ZNRF1: variants seen among roughly 807,000 people sequenced by gnomAD.
ZNRF1 encodes E3 ubiquitin-protein ligase ZNRF1.
Under a neutral mutation model 18.4 loss-of-function variants are expected in ZNRF1, and 3 were observed. The ratio of observed to expected loss-of-function variants is 0.16; its 90% confidence interval spans 0.07 to 0.42. The LOEUF is 0.42. Among genes scored for constraint, ZNRF1 ranks in the 10% least tolerant of loss-of-function variants. The pLI is 0.99. For synonymous variants in ZNRF1, 157 were observed against 144.2 expected (o/e 1.09, Z -0.64); for missense variants, 310 against 329.8 (o/e 0.94, Z 0.47).
intron 1 of ZNRF1, among the ~76,000 whole-genome samples, chr16:75,050,022 C>T (rs1438703760): frequency 6.6e-6 from 1 of 152,154 alleles, no homozygotes; most frequent in Non-Finnish European, 1.5e-5. Flanking sequence ...CAGTCAGCCA[C>T]TAGTCTCTTC....
chr16:75,056,965 T>A (rs1306600293), intron 1 of ZNRF1, among the ~76,000 whole-genome samples: 1 of 152,156 alleles, frequency 6.6e-6, no homozygotes, highest in Non-Finnish European at 1.5e-5. Context: ...GCCACTAGAT[T>A]CCTCTCCTGA....
At chr16:75,031,617 C>T (rs986077624) in intron 1 of ZNRF1, among the ~76,000 whole-genome samples, 48 of 152,090 alleles carry the variant, frequency 3.2e-4, no homozygotes, top group African/African-American at 1.1e-3. Flanking sequence ...AGTGATCCTC[C>T]CACCTCAGCT....
At chr16:75,051,396 A>G (rs1224635893) in intron 1 of ZNRF1, among the ~76,000 whole-genome samples, 2 of 149,738 alleles carry the variant, frequency 1.3e-5, no homozygotes, top group Non-Finnish European at 3.0e-5. Flanking sequence ...TTTGGTAGAG[A>G]AAGGGTTTCC....
At chr16:75,102,399 A>G (rs1211050003) in intron 2 of ZNRF1, among the ~76,000 whole-genome samples, 1 of 152,158 alleles carries the variant, frequency 6.6e-6, no homozygotes, top group African/African-American at 2.4e-5. Flanking sequence ...GAAGATGGTG[A>G]TGCTCAAAGG....
intron 1 of ZNRF1, among the ~76,000 whole-genome samples, chr16:75,007,532 AT>A (rs2034938611): frequency 6.6e-6 from 1 of 152,198 alleles, no homozygotes; most frequent in Non-Finnish European, 1.5e-5. Flanking sequence ...CATGATAAGA[AT>A]TTATAGTGAC....
intron 4 of ZNRF1, chr16:75,106,968 G>C (rs2036324008): frequency 5.1e-6 from 1 of 196,638 alleles, no homozygotes; most frequent in Non-Finnish European, 1.1e-5. Context: ...ATGGTAACGG[G>C]GATAATCTCA....
intron 1 of ZNRF1, among the ~76,000 whole-genome samples, chr16:75,058,238 C>A (rs143297737): frequency 6.6e-6 from 1 of 151,878 alleles, no homozygotes; most frequent in East Asian, 1.9e-4. Context: ...CTGCCTGGGA[C>A]TACAAGCATG....
At chr16:75,020,880 C>T (rs553577623) in intron 1 of ZNRF1, among the ~76,000 whole-genome samples, 1 of 152,044 alleles carries the variant, frequency 6.6e-6, no homozygotes, top group African/African-American at 2.4e-5. Flanking sequence ...ATTATTCTAC[C>T]ATTTGGAAAC....
At chr16:75,051,569 G>A (rs1295174092) in intron 1 of ZNRF1, among the ~76,000 whole-genome samples, 1 of 150,974 alleles carries the variant, frequency 6.6e-6, no homozygotes, top group Non-Finnish European at 1.5e-5. Flanking sequence ...CCAGGCTAGA[G>A]TGCAGTGGCA....
chr16:75,010,701 G>GTTTGTTTTTTTTTTTTTTTTTT (rs2034983907), intron 1 of ZNRF1, among the ~76,000 whole-genome samples: 1 of 63,768 alleles, frequency 1.6e-5, no homozygotes, highest in African/African-American at 4.5e-5. Flanking sequence ...GTACTGTACT[G>GTTTGTTTTTTTTTTTTTTTTTT]TTTTTTTTTG....
intron 1 of ZNRF1, among the ~76,000 whole-genome samples, chr16:75,042,704 G>T (rs2035465120): frequency 1.3e-5 from 2 of 152,056 alleles, no homozygotes; most frequent in African/African-American, 4.8e-5. Context: ...ATAATGTTGG[G>T]TTTTGACTAT....
chr16:75,059,180 T>TTTTTC (rs147345228), intron 1 of ZNRF1, among the ~76,000 whole-genome samples: 4 of 151,156 alleles, frequency 2.6e-5, no homozygotes, highest in Non-Finnish European at 4.4e-5. Context: ...TGGATTTTCT[T>TTTTTC]TTTTCTTTTC....
At chr16:75,097,854 G>A (rs2036217259) in intron 2 of ZNRF1, among the ~76,000 whole-genome samples, 1 of 152,130 alleles carries the variant, frequency 6.6e-6, no homozygotes, top group Non-Finnish European at 1.5e-5. Flanking sequence ...AGAGGACCTG[G>A]CTTCCTGGAA....
intron 1 of ZNRF1, among the ~76,000 whole-genome samples, chr16:75,038,359 C>G (rs1311138002): frequency 4.6e-5 from 7 of 152,124 alleles, no homozygotes; most frequent in Admixed American, 3.9e-4. Context: ...GTGGCTGTCT[C>G]CCTAGTTGTG....
chr16:75,104,285 C>A (rs909812261), intron 2 of ZNRF1: 1 of 152,760 alleles, frequency 6.5e-6, no homozygotes, highest in South Asian at 2.1e-4. Flanking sequence ...TGGGTTGTTT[C>A]CACCTTTGGG....
intron 2 of ZNRF1, 94 bp downstream of exon 2, chr16:75,093,761 C>A: frequency 2.1e-6 from 2 of 956,222 alleles, no homozygotes; most frequent in Non-Finnish European, 3.3e-6. Flanking sequence ...TGGTTCTGGG[C>A]AGTATTTTCA....
intron 1 of ZNRF1, among the ~76,000 whole-genome samples, chr16:75,012,509 C>T (rs1210821872): frequency 6.6e-6 from 1 of 152,126 alleles, no homozygotes; most frequent in Non-Finnish European, 1.5e-5. Flanking sequence ...CATATAAGGT[C>T]GTCTGTGCTC....
chr16:75,009,911 G>A (rs901295596), intron 1 of ZNRF1, among the ~76,000 whole-genome samples: 4 of 148,332 alleles, frequency 2.7e-5, no homozygotes, highest in Non-Finnish European at 5.9e-5. Flanking sequence ...ATCTTTTCAT[G>A]TGTTTATTGG....
intron 1 of ZNRF1, among the ~76,000 whole-genome samples, chr16:75,074,438 TACTATC>T (rs1198795360): frequency 2.0e-5 from 3 of 152,338 alleles, no homozygotes; most frequent in Admixed American, 2.0e-4. Flanking sequence ...TTTAAGCCTT[TACTATC>T]ACATTGTGAA....
Sources: allele counts gnomAD v4.1 joint callset (sites outside exome capture counted in the v4.1 genomes callset), GRCh38; gene constraint gnomAD v4.1.1; transcripts MANE v1.5; gene names NCBI Gene and HGNC (gene_info 2026-07-23, HGNC 2026-07-21).